Variants in GABBR2 observed in about 807,000 individuals in gnomAD.
GABBR2 encodes the protein gamma-aminobutyric acid type B receptor subunit 2.
In GABBR2, 23 loss-of-function variants were observed where a neutral mutation model predicts 105.6. The observed-to-expected ratio is 0.22, with a 90% CI of 0.16 to 0.31. GABBR2 has a LOEUF of 0.31. GABBR2 is among the 10% of genes least tolerant of loss of function. The pLI, the probability that GABBR2 is intolerant of heterozygous loss-of-function variation, is 1.00. For missense variants in GABBR2, 734 were observed against 1,245.5 expected (o/e 0.59, Z 6.18); for synonymous variants, 478 against 499.7 (o/e 0.96, Z 0.58).
At chr9:98,369,168 A>T (rs1245048046) in intron 12 of GABBR2, among the ~76,000 whole-genome samples, 1 of 152,142 alleles carries the variant, frequency 6.6e-6, no homozygotes, top group African/African-American at 2.4e-5. Context: ...CAGGCCTCTC[A>T]TCTTACGGAG....
chr9:98,350,756 T>G (rs1442652885), intron 13 of GABBR2, among the ~76,000 whole-genome samples: 1 of 152,200 alleles, frequency 6.6e-6, no homozygotes, highest in Non-Finnish European at 1.5e-5. Context: ...TTAGGTCCAT[T>G]TGGTCTACAA....
At chr9:98,359,582 G>C (rs956627603) in intron 13 of GABBR2, among the ~76,000 whole-genome samples, 12 of 152,110 alleles carry the variant, frequency 7.9e-5, no homozygotes, top group Admixed American at 3.9e-4. Context: ...TGCTTCCATG[G>C]GTCCTTCCTG....
At chr9:98,345,384 A>C (rs1352764799) in intron 13 of GABBR2, among the ~76,000 whole-genome samples, 1 of 152,250 alleles carries the variant, frequency 6.6e-6, no homozygotes, top group East Asian at 1.9e-4. Flanking sequence ...CTGAGTCATC[A>C]TTCGACCTTC....
At chr9:98,658,010 T>A (rs1046395252) in intron 1 of GABBR2, among the ~76,000 whole-genome samples, 1 of 152,288 alleles carries the variant, frequency 6.6e-6, no homozygotes, top group African/African-American at 2.4e-5. Flanking sequence ...AGTGTGAGAA[T>A]GGACTAATAC....
At chr9:98,329,066 G>A (rs962124968) in intron 13 of GABBR2, among the ~76,000 whole-genome samples, 2 of 152,148 alleles carry the variant, frequency 1.3e-5, no homozygotes, top group African/African-American at 4.8e-5. Context: ...CTAGACCAGC[G>A]AGTGCCTGGC....
At position 98,290,345 on chromosome 9, in the gene GABBR2, T is replaced by TC. The variant is rs1830282809; in HGVS notation, c.*238dup. On this transcript the variant is annotated 3_prime_UTR_variant, in exon 19 of 19. Transcript: ENST00000259455. ...TTGTTTGCAGATGTTAAGGAAGACG[T>TC]CCCATTTCCGTTCCTCTTCTTTGTG... The TC allele has an allele frequency of 4.0e-6, 1 of 247,384 alleles. No individual in the cohort carries two copies. Among genetic ancestry groups the TC allele is most frequent in the African/African-American group, 2.2e-5 (1 of 44,766 alleles). 15.3% of individuals were successfully genotyped at this position (247,384 alleles called of 1,614,324 possible). A position where few individuals can be genotyped will look rare whatever the true frequency, so the allele number is the denominator to read the frequency against.
chr9:98,385,620 G>A lies in GABBR2; in HGVS notation c.1662+20C>T, dbSNP rs374526767. On this transcript the variant is annotated intron_variant, in intron 11 of 18. Coordinates refer to ENST00000259455, the MANE Select transcript of GABBR2 (RefSeq NM_005458.8). Reference sequence around the variant, plus strand: ...GGAAACTTTCTATCATATACCACTGGCTTATGCAGAATGACTTACGGTGCA... The same window carrying A: ...GGAAACTTTCTATCATATACCACTGACTTATGCAGAATGACTTACGGTGCA... 2.7e-4 allele frequency: 427 copies of A among 1,608,794 alleles called. No homozygotes were observed. Among genetic ancestry groups the A allele is most frequent in the Non-Finnish European group, 3.5e-4 (416 of 1,175,436 alleles).
intron 3 of GABBR2, among the ~76,000 whole-genome samples, chr9:98,507,213 C>T (rs1827530550): frequency 6.6e-6 from 1 of 152,128 alleles, no homozygotes; most frequent in Non-Finnish European, 1.5e-5. Flanking sequence ...AATATGTTAC[C>T]TTATGTGGCA....
chr9:98,649,565 C>T (rs1830077071), intron 1 of GABBR2, among the ~76,000 whole-genome samples: 1 of 152,170 alleles, frequency 6.6e-6, no homozygotes, highest in African/African-American at 2.4e-5. Context: ...GGGATACAAA[C>T]AGCAGCAAAA....
intron 1 of GABBR2, among the ~76,000 whole-genome samples, chr9:98,671,488 T>A (rs1830406643): frequency 6.6e-6 from 1 of 152,236 alleles, no homozygotes; most frequent in Admixed American, 6.5e-5. Flanking sequence ...GGTAGACATA[T>A]GCTTTCATTT....
intron 5 of GABBR2, among the ~76,000 whole-genome samples, chr9:98,476,346 C>T (rs1214177475): frequency 6.6e-6 from 1 of 152,160 alleles, no homozygotes; most frequent in Non-Finnish European, 1.5e-5. Context: ...GAACATTAGT[C>T]AATTTTGATG....
chr9:98,685,809 C>T (rs781073203), intron 1 of GABBR2, among the ~76,000 whole-genome samples: 1 of 152,182 alleles, frequency 6.6e-6, no homozygotes, highest in Non-Finnish European at 1.5e-5. Context: ...CCTCCTACGT[C>T]AGCCTCCCAA....
At chr9:98,476,721 G>A (rs1187412822) in intron 5 of GABBR2, among the ~76,000 whole-genome samples, 1 of 152,186 alleles carries the variant, frequency 6.6e-6, no homozygotes, top group East Asian at 1.9e-4. Flanking sequence ...CCAGACAGTT[G>A]TACTTAGACT....
intron 2 of GABBR2, among the ~76,000 whole-genome samples, chr9:98,554,017 A>G (rs1427467342): frequency 6.6e-6 from 1 of 152,186 alleles, no homozygotes; most frequent in Non-Finnish European, 1.5e-5. Context: ...AGATAAGGAA[A>G]CTGATGTTCA....
intron 2 of GABBR2, among the ~76,000 whole-genome samples, chr9:98,550,352 G>A (rs1247880262): frequency 4.6e-5 from 7 of 152,164 alleles, no homozygotes; most frequent in Non-Finnish European, 8.8e-5. Flanking sequence ...GTTGAACAAC[G>A]TTGTGAATGT....
Position 98,348,472 on chromosome 9 carries a change from T to C in GABBR2, c.1893+14243A>G, listed in dbSNP as rs1050199968. ...TTGTTTTTTCTATTTCTGTGAAGAA[T>C]GTCATTGACCTTTTGATAGGGATTA... On this transcript the variant is annotated intron_variant, in intron 13 of 18. Transcript: ENST00000259455. 2.6e-5 allele frequency among the ~76,000 whole-genome samples: 4 copies of C among 152,350 alleles called. No homozygotes were observed. The East Asian group carries it at 7.7e-4, about 29-fold the overall frequency.
At chr9:98,642,968 A>G (rs958625355) in intron 1 of GABBR2, among the ~76,000 whole-genome samples, 2 of 151,992 alleles carry the variant, frequency 1.3e-5, no homozygotes, top group African/African-American at 4.8e-5. Flanking sequence ...CCATCTATCC[A>G]CATCATAAGC....
At chr9:98,339,884 A>G (rs1380041834) in intron 13 of GABBR2, among the ~76,000 whole-genome samples, 1 of 152,190 alleles carries the variant, frequency 6.6e-6, no homozygotes, top group Non-Finnish European at 1.5e-5. Context: ...TCATGGCTGA[A>G]TAGCAATACC....
chr9:98,428,781 T>G (rs1742161922), intron 7 of GABBR2, among the ~76,000 whole-genome samples: 2 of 152,180 alleles, frequency 1.3e-5, no homozygotes, highest in Non-Finnish European at 1.5e-5. Context: ...TTGCTGGACT[T>G]GGTGCTGACA....
Sources: allele counts gnomAD v4.1 joint callset (sites outside exome capture counted in the v4.1 genomes callset), GRCh38; gene constraint gnomAD v4.1.1; transcripts MANE v1.5; gene names NCBI Gene and HGNC (gene_info 2026-07-23, HGNC 2026-07-21).